The following ADRA1B variants were observed in gnomAD, a reference collection of about 807,000 sequenced individuals.
ADRA1B encodes the protein adrenoceptor alpha 1B.
ADRA1B carries 17 observed loss-of-function variants against 17.9 expected under a neutral mutation model. The observed-to-expected ratio is 0.95, with a 90% CI of 0.65 to 1.42. The LOEUF (loss-of-function observed/expected upper bound fraction) is 1.42, where lower values mean the gene tolerates loss of function less well. ADRA1B is among the 40% of genes most tolerant of loss of function. The pLI, the probability that ADRA1B is intolerant of heterozygous loss-of-function variation, is 0.00. For synonymous variants in ADRA1B, 366 were observed against 327.6 expected (o/e 1.12, Z -1.27); for missense variants, 681 against 722.1 (o/e 0.94, Z 0.65).
At chr5:159,983,403 C>T in the ADRA1B span, among the ~76,000 whole-genome samples, 3 of 152,220 alleles carry the variant, frequency 2.0e-5, no homozygotes, top group African/African-American at 7.2e-5. Context: ...GGATTCACCC[C>T]ATTACAAGCC....
At chr5:159,978,004 C>A (rs888834892), downstream of ADRA1B, among the ~76,000 whole-genome samples, 2 of 152,150 alleles carry the variant, frequency 1.3e-5, no homozygotes, top group Non-Finnish European at 2.9e-5. Context: ...TTAAAAGTGA[C>A]TTCCCTACTG....
At chr5:159,913,275 G>A (rs1006455150), upstream of ADRA1B, among the ~76,000 whole-genome samples, 11 of 152,088 alleles carry the variant, frequency 7.2e-5, no homozygotes, top group African/African-American at 9.7e-5. Context: ...ATGAAATATC[G>A]TCTGTGTTCT....
At chr5:159,878,813 C>T (rs1753827810) in intron 1 of ADRA1B, among the ~76,000 whole-genome samples, 1 of 152,210 alleles carries the variant, frequency 6.6e-6, no homozygotes, top group Admixed American at 6.5e-5. Flanking sequence ...GGGGTCTTCA[C>T]ACACTGCAAT....
the ADRA1B span, among the ~76,000 whole-genome samples, chr5:159,979,554 G>C: frequency 2.0e-5 from 3 of 152,132 alleles, no homozygotes; most frequent in African/African-American, 7.2e-5. Flanking sequence ...CATGGAGGAA[G>C]TGGCATCTGA....
At chr5:159,966,772 A>AT (rs1448062168) in intron 1 of ADRA1B, among the ~76,000 whole-genome samples, 1 of 152,234 alleles carries the variant, frequency 6.6e-6, no homozygotes, top group African/African-American at 2.4e-5. Context: ...CCTCATGTGA[A>AT]TTTATTGCAC....
chr5:159,976,526 G>T (rs573706356), downstream of ADRA1B, among the ~76,000 whole-genome samples: 6 of 151,816 alleles, frequency 4.0e-5, no homozygotes, highest in Non-Finnish European at 7.4e-5. Context: ...AATTAGCCAG[G>T]CGTGGTGGCA....
chr5:159,940,051 A>C (rs1755082535), intron 1 of ADRA1B, among the ~76,000 whole-genome samples: 1 of 152,184 alleles, frequency 6.6e-6, no homozygotes, highest in Non-Finnish European at 1.5e-5. Context: ...ACAACTCAGT[A>C]AGTGAATGAA....
intron 1 of ADRA1B, among the ~76,000 whole-genome samples, chr5:159,949,562 T>C (rs1020970369): frequency 6.6e-6 from 1 of 152,246 alleles, no homozygotes; most frequent in Non-Finnish European, 1.5e-5. Context: ...GCAGGACTAA[T>C]ACACTCATTC....
chr5:159,890,208 A>G (rs987306104), intron 1 of ADRA1B, among the ~76,000 whole-genome samples: 1 of 152,148 alleles, frequency 6.6e-6, no homozygotes, highest in Non-Finnish European at 1.5e-5. Context: ...ATTTCCTGCC[A>G]TCTCCCAGAC....
chr5:159,875,910 C>CT (rs11415227), intron 1 of ADRA1B, among the ~76,000 whole-genome samples: 4 of 151,838 alleles, frequency 2.6e-5, no homozygotes, highest in South Asian at 2.1e-4. Context: ...CAACAAGGGC[C>CT]GGGCATGGTG....
upstream of ADRA1B, among the ~76,000 whole-genome samples, chr5:159,912,309 C>T (rs1374164696): frequency 2.0e-5 from 3 of 152,336 alleles, no homozygotes; most frequent in East Asian, 3.9e-4. Flanking sequence ...CCAGGTGTGT[C>T]TGATCCAGGC....
chr5:159,970,957 A>C (rs1253506835), intron 1 of ADRA1B, among the ~76,000 whole-genome samples: 2 of 152,098 alleles, frequency 1.3e-5, no homozygotes, highest in African/African-American at 4.8e-5. Context: ...GGCACGCACC[A>C]ACACGCCTGG....
intron 1 of ADRA1B, among the ~76,000 whole-genome samples, chr5:159,872,520 T>C (rs1377609509): frequency 6.6e-6 from 1 of 152,138 alleles, no homozygotes; most frequent in Non-Finnish European, 1.5e-5. Flanking sequence ...GAAAGGGACA[T>C]GGAGCTCAGA....
chr5:159,967,162 A>C (rs565770308), intron 1 of ADRA1B, among the ~76,000 whole-genome samples: 2 of 152,196 alleles, frequency 1.3e-5, no homozygotes. Flanking sequence ...TAAATTCAGC[A>C]TGTATTACTT....
At chr5:159,971,857 C>CGGGGG in intron 1 of ADRA1B, 22 bp from the exon 2 acceptor site, 10 of 317,766 alleles carry the variant, frequency 3.1e-5, no homozygotes, top group Non-Finnish European at 5.7e-5. Flanking sequence ...TCTGCCCGTG[C>CGGGGG]CCACCCCCCT....
At chr5:159,932,042 C>T (rs533987318) in intron 1 of ADRA1B, among the ~76,000 whole-genome samples, 32 of 152,382 alleles carry the variant, frequency 2.1e-4, no homozygotes, top group Admixed American at 1.8e-3. Flanking sequence ...CGTGTATTAA[C>T]ACAAGTTGGA....
chr5:159,969,483 G>A (rs1755829989), intron 1 of ADRA1B, among the ~76,000 whole-genome samples: 1 of 152,196 alleles, frequency 6.6e-6, no homozygotes, highest in South Asian at 2.1e-4. Context: ...GAATCCTTGT[G>A]GCATCTGTGC....
chr5:159,988,449 T>G, the ADRA1B span, among the ~76,000 whole-genome samples: 6 of 152,238 alleles, frequency 3.9e-5, no homozygotes, highest in Non-Finnish European at 7.3e-5. Context: ...GAAGCTAATA[T>G]GCATCTCAGC....
rs147803455 is a variant in ADRA1B at position 159,958,995 on chromosome 5, A to G, written c.950-12884A>G. On this transcript the variant is annotated intron_variant, in intron 1 of 1. Transcript: ENST00000306675. ...GCTTAAGCCAAAAGGTAGCTCCCCT[A>G]CTGGAAGTTGGAATGGGTCAATCAG... Among the ~76,000 whole-genome samples, 223 of 152,312 alleles carry G rather than the reference A, an allele frequency of 1.5e-3. 2 individuals are homozygous for G. Among genetic ancestry groups the G allele is most frequent in the African/African-American group, 5.2e-3 (215 of 41,576 alleles).
Sources: gnomAD v4.1 joint callset for allele counts (sites outside exome capture counted in the v4.1 genomes callset) on GRCh38, gnomAD v4.1.1 for gene constraint, MANE v1.5 for transcripts, NCBI Gene and HGNC (gene_info 2026-07-23, HGNC 2026-07-21) for gene names.